SYCP1: variants seen among roughly 807,000 people sequenced by gnomAD.
SYCP1 encodes the protein cancer/testis antigen 8.
A neutral mutation model predicts 153.1 loss-of-function variants in SYCP1; 64 were observed. That is an observed-to-expected ratio of 0.42 (90% CI 0.34 to 0.51). The LOEUF (loss-of-function observed/expected upper bound fraction) is 0.51. Among genes scored for constraint, SYCP1 ranks in the 20% least tolerant of loss-of-function variants. The pLI is 0.06. For synonymous variants in SYCP1, 384 were observed against 341.8 expected (o/e 1.12, Z -1.36); for missense variants, 997 against 1,049.0 (o/e 0.95, Z 0.68).
chr1:114,967,435 T>C (rs1348931704), intron 27 of SYCP1, among the ~76,000 whole-genome samples: 1 of 152,250 alleles, frequency 6.6e-6, no homozygotes, highest in Non-Finnish European at 1.5e-5. Flanking sequence ...AATGCCCTTC[T>C]TTGTCTTTTT....
chr1:114,871,987 C>CT (rs1391853476), intron 8 of SYCP1, among the ~76,000 whole-genome samples: 2 of 146,874 alleles, frequency 1.4e-5, no homozygotes, highest in South Asian at 2.1e-4. Flanking sequence ...CGTTGATGCT[C>CT]TTTTTTTTCT....
intron 7 of SYCP1, among the ~76,000 whole-genome samples, chr1:114,860,081 A>G (rs149747931): frequency 3.2e-4 from 49 of 152,312 alleles, no homozygotes; most frequent in African/African-American, 1.2e-3. Flanking sequence ...ATAATTCTGT[A>G]TCTACAACTA....
At chr1:114,959,074 A>T (rs1190685637) in intron 27 of SYCP1, among the ~76,000 whole-genome samples, 5 of 152,092 alleles carry the variant, frequency 3.3e-5, no homozygotes, top group Non-Finnish European at 5.9e-5. Flanking sequence ...CATTTTGATG[A>T]AATTCAGTGT....
chr1:114,970,914 G>T (rs938201870), intron 27 of SYCP1, among the ~76,000 whole-genome samples: 3 of 152,214 alleles, frequency 2.0e-5, no homozygotes, highest in African/African-American at 7.2e-5. Context: ...AAGTTGTGAT[G>T]TGAACAAGTT....
At chr1:114,859,084 TA>T (rs1664203799) in intron 6 of SYCP1, among the ~76,000 whole-genome samples, 1 of 151,654 alleles carries the variant, frequency 6.6e-6, no homozygotes, top group South Asian at 2.1e-4. Flanking sequence ...TGTGTAACTT[TA>T]TTTTTTTTAT....
chr1:114,892,259 C>T (rs893369867), intron 15 of SYCP1, among the ~76,000 whole-genome samples: 1 of 152,110 alleles, frequency 6.6e-6, no homozygotes, highest in African/African-American at 2.4e-5. Context: ...GATTCCTATG[C>T]CCCTGATGGA....
At chr1:114,984,035 G>A (rs1401832317) in intron 29 of SYCP1, among the ~76,000 whole-genome samples, 1 of 151,938 alleles carries the variant, frequency 6.6e-6, no homozygotes, top group Admixed American at 6.6e-5. Context: ...GAGTAGCTGA[G>A]GCTATAGGGA....
At chr1:114,976,673 A>G (rs1394152364) in intron 27 of SYCP1, among the ~76,000 whole-genome samples, 2 of 151,816 alleles carry the variant, frequency 1.3e-5, no homozygotes, top group Admixed American at 6.6e-5. Flanking sequence ...GTAGACTCCA[A>G]TTGTCACTAT....
chr1:114,960,163 GTTTTTTTTT>G (rs757126453), intron 27 of SYCP1, among the ~76,000 whole-genome samples: 4 of 109,476 alleles, frequency 3.7e-5, no homozygotes, highest in South Asian at 2.9e-4. Flanking sequence ...TAGTTTGCTT[GTTTTTTTTT>G]TTTTTTTTTT....
At chr1:114,941,065 C>A (rs1006429465) in intron 23 of SYCP1, among the ~76,000 whole-genome samples, 11 of 151,948 alleles carry the variant, frequency 7.2e-5, no homozygotes, top group Non-Finnish European at 1.6e-4. Flanking sequence ...GTTCCAGAAC[C>A]CCCCAGGAAT....
At chr1:114,896,665 TA>T (rs1422200563) in intron 16 of SYCP1, among the ~76,000 whole-genome samples, 2 of 152,234 alleles carry the variant, frequency 1.3e-5, no homozygotes, top group Non-Finnish European at 2.9e-5. Context: ...GTTTACCTTG[TA>T]ACTCTAGTAC....
intron 20 of SYCP1, among the ~76,000 whole-genome samples, chr1:114,920,514 T>G (rs1557801106): frequency 6.6e-6 from 1 of 152,066 alleles, no homozygotes; most frequent in Non-Finnish European, 1.5e-5. Context: ...AAAGTGCAGA[T>G]TGATTGATGT....
intron 27 of SYCP1, among the ~76,000 whole-genome samples, chr1:114,955,192 T>C (rs1377815382): frequency 6.6e-6 from 1 of 152,216 alleles, no homozygotes; most frequent in East Asian, 1.9e-4. Context: ...CTTGTTGATA[T>C]GGTGGATTAC....
At chr1:114,938,953 T>C (rs1670211448) in intron 23 of SYCP1, among the ~76,000 whole-genome samples, 1 of 152,144 alleles carries the variant, frequency 6.6e-6, no homozygotes, top group South Asian at 2.1e-4. Flanking sequence ...TCGAGCACTG[T>C]TGATGGGAAT....
chr1:114,944,140 A>G (rs1279650290), intron 23 of SYCP1, among the ~76,000 whole-genome samples, 199 bp from the exon 24 acceptor site: 1 of 151,858 alleles, frequency 6.6e-6, no homozygotes, highest in Non-Finnish European at 1.5e-5. Flanking sequence ...TCAAGAAAAA[A>G]TACATATTTT....
chr1:114,964,936 C>A (rs1672019784), intron 27 of SYCP1, among the ~76,000 whole-genome samples: 1 of 152,162 alleles, frequency 6.6e-6, no homozygotes, highest in Non-Finnish European at 1.5e-5. Flanking sequence ...AGCATTGAAT[C>A]TGTAAATTAC....
At position 114,944,339 on chromosome 1, in the gene SYCP1, G is replaced by A. The variant is rs199508164; in HGVS notation, c.1927G>A (p.Val643Ile). Residue 643 changes from valine (V) to isoleucine (I), a missense_variant and splice_region_variant, in exon 24 of 32, where the codon GTC becomes ATC. Val to Ile is a conservative substitution (Grantham distance 29). Coordinates refer to ENST00000369522, the MANE Select transcript of SYCP1 (RefSeq NM_003176.4). ...TCATGCTATTTTTCTTTACTTAAAGGTCAATAAATTAGAGTTAGAACTAGA... is the reference window on the plus strand; with the variant it reads ...TCATGCTATTTTTCTTTACTTAAAGATCAATAAATTAGAGTTAGAACTAGA... ...SKQLNVYEIK[V>I]NKLELELESA... 2 of 1,550,062 alleles carry A rather than the reference G, an allele frequency of 1.3e-6. No individual in the cohort carries two copies. The highest frequency in any genetic ancestry group is 2.3e-5 in the South Asian group (2 of 86,930).
intron 20 of SYCP1, among the ~76,000 whole-genome samples, chr1:114,922,383 T>A (rs913689402): frequency 6.6e-6 from 1 of 152,082 alleles, no homozygotes; most frequent in Non-Finnish European, 1.5e-5. Flanking sequence ...GGTTAATTGG[T>A]TCATAGTTCC....
chr1:114,857,722 G>A (rs552310640), intron 5 of SYCP1, among the ~76,000 whole-genome samples: 18 of 152,122 alleles, frequency 1.2e-4, no homozygotes, highest in African/African-American at 2.4e-4. Flanking sequence ...GAGGGGAAAC[G>A]AGTACTATAC....
Sources: allele counts gnomAD v4.1 joint callset (sites outside exome capture counted in the v4.1 genomes callset), GRCh38; gene constraint gnomAD v4.1.1; transcripts MANE v1.5; gene names NCBI Gene and HGNC (gene_info 2026-07-23, HGNC 2026-07-21).